The following TMEM163 variants were observed in gnomAD, a reference collection of about 807,000 sequenced individuals.
TMEM163 encodes transmembrane protein 163.
Under a neutral mutation model 29.3 loss-of-function variants are expected in TMEM163, and 17 were observed. That is an observed-to-expected ratio of 0.58 (90% confidence interval 0.40 to 0.87). The LOEUF (loss-of-function observed/expected upper bound fraction) is 0.87, where lower values mean the gene tolerates loss of function less well. TMEM163 is among the 40% of genes least tolerant of loss of function. The pLI is 0.00. For synonymous variants in TMEM163, 157 were observed against 160.6 expected (o/e 0.98, Z 0.17); for missense variants, 303 against 381.5 (o/e 0.79, Z 1.71).
At chr2:134,471,740 C>A (rs1415769944) in intron 5 of TMEM163, among the ~76,000 whole-genome samples, 8 of 152,186 alleles carry the variant, frequency 5.3e-5, no homozygotes. Flanking sequence ...TGCGGCCGCA[C>A]CTACCATGCC....
chr2:134,484,466 C>T (rs1306515440), intron 5 of TMEM163, among the ~76,000 whole-genome samples: 1 of 152,044 alleles, frequency 6.6e-6, no homozygotes, highest in Non-Finnish European at 1.5e-5. Flanking sequence ...ATTACTTGAA[C>T]TCAAAACCAG....
intron 4 of TMEM163, among the ~76,000 whole-genome samples, chr2:134,503,328 C>T (rs1002185934): frequency 2.0e-5 from 3 of 152,196 alleles, no homozygotes; most frequent in Non-Finnish European, 2.9e-5. Context: ...CATTCCTGCT[C>T]AAACGGGAAG....
At chr2:134,698,633 T>C (rs1684630096) in intron 2 of TMEM163, among the ~76,000 whole-genome samples, 1 of 152,166 alleles carries the variant, frequency 6.6e-6, no homozygotes, top group African/African-American at 2.4e-5. Flanking sequence ...GTTTCTTATC[T>C]TCTTGTTTTG....
At chr2:134,603,144 A>G (rs978991339) in intron 2 of TMEM163, among the ~76,000 whole-genome samples, 4 of 152,272 alleles carry the variant, frequency 2.6e-5, no homozygotes, top group African/African-American at 9.6e-5. Flanking sequence ...CCCCATAGCC[A>G]CAACTAAATC....
At chr2:134,625,999 G>C (rs1167200374) in intron 2 of TMEM163, among the ~76,000 whole-genome samples, 2 of 151,298 alleles carry the variant, frequency 1.3e-5, no homozygotes, top group Non-Finnish European at 2.9e-5. Context: ...TTTACAATTG[G>C]ACATCAGAAA....
At chr2:134,489,832 ATC>A (rs1679391622) in intron 5 of TMEM163, among the ~76,000 whole-genome samples, 1 of 152,150 alleles carries the variant, frequency 6.6e-6, no homozygotes, top group Admixed American at 6.5e-5. Flanking sequence ...CCCTTTTGCC[ATC>A]TCTTTCTCTT....
At chr2:134,566,146 AAAGAT>A (rs1442213446) in intron 2 of TMEM163, among the ~76,000 whole-genome samples, 2 of 152,256 alleles carry the variant, frequency 1.3e-5, no homozygotes, top group African/African-American at 4.8e-5. Flanking sequence ...CAAGAGCCTA[AAAGAT>A]AAGGCAAGAA....
At chr2:134,631,303 C>A (rs527892339) in intron 2 of TMEM163, among the ~76,000 whole-genome samples, 1 of 152,306 alleles carries the variant, frequency 6.6e-6, no homozygotes, top group South Asian at 2.1e-4. Flanking sequence ...TTCAGCTCAA[C>A]TTTAGGGTTC....
chr2:134,504,209 G>A (rs1679766263), intron 4 of TMEM163, among the ~76,000 whole-genome samples: 1 of 152,194 alleles, frequency 6.6e-6, no homozygotes, highest in South Asian at 2.1e-4. Flanking sequence ...ATTTAGGAGT[G>A]AGGAATAAAA....
intron 2 of TMEM163, among the ~76,000 whole-genome samples, chr2:134,587,657 C>T (rs1681851802): frequency 6.6e-6 from 1 of 152,198 alleles, no homozygotes; most frequent in South Asian, 2.1e-4. Context: ...CTAAGACTCT[C>T]AATAAGAAAG....
chr2:134,687,198 G>A (rs916414519), intron 2 of TMEM163, among the ~76,000 whole-genome samples: 5 of 152,184 alleles, frequency 3.3e-5, no homozygotes, highest in African/African-American at 7.2e-5. Flanking sequence ...AAGGAAGAGA[G>A]TAAAAATCTC....
At chr2:134,544,718 C>T (rs1011142325) in intron 4 of TMEM163, among the ~76,000 whole-genome samples, 7 of 152,238 alleles carry the variant, frequency 4.6e-5, no homozygotes, top group Admixed American at 2.0e-4. Flanking sequence ...TTGCTTGAAC[C>T]GGGGAGGCAG....
chr2:134,710,141 C>T (rs1459187462), intron 2 of TMEM163, among the ~76,000 whole-genome samples: 1 of 152,202 alleles, frequency 6.6e-6, no homozygotes, highest in Non-Finnish European at 1.5e-5. Flanking sequence ...ACCCCAGCCA[C>T]CTTAGGCACA....
At chr2:134,574,094 T>C (rs890346293) in intron 2 of TMEM163, among the ~76,000 whole-genome samples, 1 of 152,180 alleles carries the variant, frequency 6.6e-6, no homozygotes, top group Non-Finnish European at 1.5e-5. Context: ...GAAATCAAGA[T>C]AGCAATTAGG....
At chr2:134,610,037 G>T (rs938635719) in intron 2 of TMEM163, among the ~76,000 whole-genome samples, 3 of 152,224 alleles carry the variant, frequency 2.0e-5, no homozygotes, top group Admixed American at 6.5e-5. Context: ...GGTCAAACAA[G>T]ACCCCTGGCA....
chr2:134,584,196 T>C (rs1296651539), intron 2 of TMEM163, among the ~76,000 whole-genome samples: 4 of 152,236 alleles, frequency 2.6e-5, no homozygotes, highest in African/African-American at 7.2e-5. Flanking sequence ...GATGCCCTAA[T>C]TGATATCCAA....
intron 2 of TMEM163, among the ~76,000 whole-genome samples, chr2:134,634,017 AT>A (rs1553487382): frequency 5.7e-5 from 2 of 34,868 alleles, no homozygotes; most frequent in Non-Finnish European, 8.5e-5. Flanking sequence ...ATATATATAT[AT>A]ATAATAGGAC....
intron 2 of TMEM163, among the ~76,000 whole-genome samples, chr2:134,668,765 C>T (rs770265872): frequency 4.6e-5 from 7 of 151,930 alleles, no homozygotes; most frequent in Middle Eastern, 3.2e-3. Context: ...CTCTAAGAAC[C>T]GAGTCACACA....
intron 2 of TMEM163, among the ~76,000 whole-genome samples, chr2:134,599,758 C>T (rs1184748406): frequency 6.7e-6 from 1 of 149,228 alleles, no homozygotes; most frequent in Non-Finnish European, 1.5e-5. Context: ...GTCTTGAACT[C>T]CTGGGCTCAA....
Sources: gnomAD v4.1 joint callset for allele counts (sites outside exome capture counted in the v4.1 genomes callset) on GRCh38, gnomAD v4.1.1 for gene constraint, MANE v1.5 for transcripts, NCBI Gene and HGNC (gene_info 2026-07-23, HGNC 2026-07-21) for gene names.